The following CDCP2 variants were observed in gnomAD, a reference collection of about 807,000 sequenced individuals.
The protein encoded by CDCP2 is CUB domain containing protein 2.
In CDCP2, 31 loss-of-function variants were observed where a neutral mutation model predicts 31.0. The observed-to-expected ratio is 1.00, with a 90% CI of 0.75 to 1.35. The LOEUF (loss-of-function observed/expected upper bound fraction) is 1.35, where lower values mean the gene tolerates loss of function less well. CDCP2 is among the 40% of genes most tolerant of loss of function. CDCP2 has a pLI of 0.00. For synonymous variants in CDCP2, 206 were observed against 207.9 expected (o/e 0.99, Z 0.08); for missense variants, 443 against 482.6 (o/e 0.92, Z 0.77).
intron 1 of CDCP2, among the ~76,000 whole-genome samples, chr1:54,147,019 T>C (rs116488127): frequency 0.035 from 4,579 of 131,422 alleles, 109 homozygotes; most frequent in Middle Eastern, 0.054. Context: ...GAGTTTGCAG[T>C]GAGCTGAGAT....
At chr1:54,149,246 A>T (rs552929876) in intron 1 of CDCP2, among the ~76,000 whole-genome samples, 1 of 151,836 alleles carries the variant, frequency 6.6e-6, no homozygotes, top group African/African-American at 2.4e-5. Context: ...AAATTTTTTT[A>T]AATTAAGCAC....
chr1:54,145,968 AC>A (rs1345800170), intron 1 of CDCP2, among the ~76,000 whole-genome samples: 2 of 152,222 alleles, frequency 1.3e-5, no homozygotes, highest in African/African-American at 2.4e-5. Context: ...ATTTCAAATG[AC>A]TTTGAAAGAC....
chr1:54,148,956 T>C (rs1659524923), intron 1 of CDCP2, among the ~76,000 whole-genome samples: 1 of 143,272 alleles, frequency 7.0e-6, no homozygotes, highest in African/African-American at 2.7e-5. Flanking sequence ...TTTGAACAAA[T>C]GAATTGTTTA....
intron 3 of CDCP2, 122 bp downstream of exon 3, chr1:54,140,974 CAG>C: frequency 4.0e-6 from 3 of 757,586 alleles, no homozygotes; most frequent in Non-Finnish European, 4.1e-6. Context: ...GCATTCCAGG[CAG>C]AGAGAGTGCA....
chr1:54,139,289 C>G, intron 4 of CDCP2: 2 of 532,140 alleles, frequency 3.8e-6, no homozygotes, highest in South Asian at 4.4e-5. Flanking sequence ...CTGCCTAGCT[C>G]CAGGCTTCCT....
chr1:54,134,469 G>A (rs935423274), intron 5 of CDCP2, among the ~76,000 whole-genome samples: 2 of 152,158 alleles, frequency 1.3e-5, no homozygotes, highest in Admixed American at 6.5e-5. Flanking sequence ...GCAGTCTGGC[G>A]TGGTCAGCAG....
At chr1:54,143,106 C>G (rs560835111) in intron 2 of CDCP2, 1 of 152,100 alleles carries the variant, frequency 6.6e-6, no homozygotes, top group Non-Finnish European at 1.5e-5. Context: ...GAGGCCGAGG[C>G]GGGTGGATCA....
chr1:54,140,982 G>A (rs1326402904), intron 3 of CDCP2, 116 bp downstream of exon 3: 2 of 818,152 alleles, frequency 2.4e-6, no homozygotes, highest in Non-Finnish European at 3.7e-6. Flanking sequence ...GGCAGAGAGA[G>A]TGCAGAAAGC....
rs190605386 is a variant in CDCP2 at position 54,134,115 on chromosome 1, C to A, written c.1297-821G>T. 4.1e-3 allele frequency among the ~76,000 whole-genome samples: 619 copies of A among 152,248 alleles called. 3 individuals carry two copies. The highest frequency in any genetic ancestry group is 0.014 in the African/African-American group (586 of 41,534). On this transcript the variant is annotated intron_variant, in intron 5 of 5. Transcript: ENST00000530059. Reference sequence around the variant, plus strand: ...GCTTTTCAAAGCATCGACTCCAATCCCCCATCCTTGGCAAATTTACAGACA... The same window carrying A: ...GCTTTTCAAAGCATCGACTCCAATCACCCATCCTTGGCAAATTTACAGACA...
chr1:54,141,011 G>T, intron 3 of CDCP2, 87 bp downstream of exon 3: 1 of 1,155,982 alleles, frequency 8.7e-7, no homozygotes, highest in Non-Finnish European at 1.2e-6. Context: ...GCGGGGGGCA[G>T]AAAGGTGTGA....
At chr1:54,148,739 A>G (rs1659518837) in intron 1 of CDCP2, among the ~76,000 whole-genome samples, 1 of 151,502 alleles carries the variant, frequency 6.6e-6, no homozygotes, top group South Asian at 2.1e-4. Flanking sequence ...TGTTGTACTA[A>G]AAGAGTCAAG....
chr1:54,148,397 A>G (rs1659512202), intron 1 of CDCP2, among the ~76,000 whole-genome samples: 1 of 95,444 alleles, frequency 1.0e-5, no homozygotes. Flanking sequence ...TCAGCTGACT[A>G]TTTGACAGTG....
At chr1:54,142,528 G>A (rs940066675) in intron 2 of CDCP2, 1 of 152,280 alleles carries the variant, frequency 6.6e-6, no homozygotes, top group Non-Finnish European at 1.5e-5. Flanking sequence ...TACACGGCAA[G>A]TGTGGGTGAA....
rs1322970098 is a variant in CDCP2, at chr1:54,139,617, T to C, written c.1117+136A>G. ...CGAGAGTGGGCAAGGGTGTAGCCAATGGAGAAGGAGCTGGAGAAGACCATT... is the reference window on the plus strand; with the variant it reads ...CGAGAGTGGGCAAGGGTGTAGCCAACGGAGAAGGAGCTGGAGAAGACCATT... On this transcript the variant is annotated intron_variant, in intron 4 of 5. Coordinates refer to ENST00000530059, the Ensembl canonical transcript of CDCP2. The C allele has an allele frequency of 1.2e-6, 2 of 1,600,464 alleles. No individual in the cohort carries two copies. The highest frequency in any genetic ancestry group is 3.4e-5 in the Admixed American group (2 of 58,496).
At chr1:54,134,055 C>T (rs2100417368) in intron 5 of CDCP2, among the ~76,000 whole-genome samples, 1 of 152,274 alleles carries the variant, frequency 6.6e-6, no homozygotes. Context: ...GGCCATCACA[C>T]CTCACTCAAA....
At position 54,139,647 on chromosome 1, in the gene CDCP2, G is replaced by GGGC. The variant is rs1553173739; in HGVS notation, c.1117+105_1117+106insGCC. On this transcript the variant is annotated intron_variant, in intron 4 of 5. Transcript: ENST00000530059. ...AAGGAGCTGGAGAAGACCATTCATGGGGGGGGCAGGACAAACTGGTGGGAT... is the reference window on the plus strand; with the variant it reads ...AAGGAGCTGGAGAAGACCATTCATGGGGCGGGGGGCAGGACAAACTGGTGGGAT... 1.3e-4 allele frequency: 158 copies of GGGC among 1,223,096 alleles called. 3 individuals are homozygous for GGGC. The South Asian group carries it at 1.9e-3, about 14-fold the overall frequency. 75.8% of individuals were successfully genotyped at this position (1,223,096 alleles called of 1,614,324 possible).
intron 2 of CDCP2, 57 bp from the exon 3 acceptor site, chr1:54,141,490 T>G (rs946981500): frequency 1.4e-6 from 2 of 1,451,350 alleles, no homozygotes; most frequent in Admixed American, 2.1e-5. Flanking sequence ...CCCAGTTTCC[T>G]CCCTTGGGAA....
chr1:54,150,138 C>T (rs1287568716), intron 1 of CDCP2, among the ~76,000 whole-genome samples: 1 of 152,200 alleles, frequency 6.6e-6, no homozygotes, highest in African/African-American at 2.4e-5. Flanking sequence ...GTGACTGGCC[C>T]GCAGGGTGAG....
chr1:54,140,017 A>T (rs890919009), exon 4 of CDCP2: 1 of 1,614,016 alleles, frequency 6.2e-7, no homozygotes, highest in South Asian at 1.1e-5. Context: ...CGGATGGTCC[A>T]GTGGCAGCGG....
Sources: gnomAD v4.1 joint callset for allele counts (sites outside exome capture counted in the v4.1 genomes callset) on GRCh38, gnomAD v4.1.1 for gene constraint, MANE v1.5 for transcripts, NCBI Gene and HGNC (gene_info 2026-07-23, HGNC 2026-07-21) for gene names.